IQCH: variants seen among roughly 807,000 people sequenced by gnomAD.
IQCH encodes IQ motif containing H.
Under a neutral mutation model 117.0 loss-of-function variants are expected in IQCH, and 98 were observed. The observed-to-expected ratio is 0.84, with a 90% CI of 0.71 to 0.99. The LOEUF is 0.99. Among genes scored for constraint, IQCH ranks in the 50% least tolerant of loss-of-function variants. The probability of loss-of-function intolerance (pLI) is 0.00; values close to 1 mark genes in which losing one functional copy is unlikely to be tolerated. For synonymous variants in IQCH, 412 were observed against 448.2 expected (o/e 0.92, Z 1.02); for missense variants, 1,102 against 1,243.8 (o/e 0.89, Z 1.72).
rs546993366 is a variant in IQCH, at chr15:67,491,378, G to A, written c.2861+1314G>A. Among the ~76,000 whole-genome samples, 43 of 152,176 alleles carry A rather than the reference G, an allele frequency of 2.8e-4. No individual in the cohort carries two copies. Among genetic ancestry groups the A allele is most frequent in the African/African-American group, 1.0e-3 (42 of 41,526 alleles). ...CAATACAGTGATATTCACCCTCATC[G>A]ATCCTTTTGAACTTAGGCAAATGTT... On this transcript the variant is annotated intron_variant, in intron 19 of 20. Coordinates refer to ENST00000335894, the MANE Select transcript of IQCH (RefSeq NM_001031715.3). This position sits in a 1 kb window ranked among gnomAD's most constrained non-coding sequence, Gnocchi z 4.9.
Position 67,473,119 on chromosome 15 carries a change from T to A in IQCH, c.2677-2577T>A, listed in dbSNP as rs151208268. 8.0e-3 allele frequency among the ~76,000 whole-genome samples: 1,218 copies of A among 152,348 alleles called. 22 individuals are homozygous for A. Among genetic ancestry groups the A allele is most frequent in the African/African-American group, 0.028 (1,154 of 41,588 alleles). On this transcript the variant is annotated intron_variant, in intron 17 of 20. Transcript: ENST00000335894. This position sits in a 1 kb window ranked among gnomAD's most constrained non-coding sequence, Gnocchi z 4.9. ...ATACTATGGCAGCATCAGACAAGTT[T>A]AGAAGACAAAAATAACCTTGGAATT...
In IQCH at chr15:67,373,073, ATTTAAG is replaced by A. The variant is rs1970608156; in HGVS notation, c.1306-290_1306-285del. On this transcript the variant is annotated intron_variant, in intron 9 of 20. Transcript: ENST00000335894. Reference sequence around the variant, plus strand: ...TGCTGTCACCACTTTGTCAGAAAGTATTTAAGTTTGCAGACAGCCTTTTAATTAGTG... The same window carrying A: ...TGCTGTCACCACTTTGTCAGAAAGTATTTGCAGACAGCCTTTTAATTAGTG... 2.0e-5 allele frequency among the ~76,000 whole-genome samples: 3 copies of A among 152,100 alleles called. No homozygotes were observed. In the South Asian group the frequency reaches 6.2e-4, roughly 31 times the overall value.
chr15:67,294,612 C>T (rs1470316500), intron 4 of IQCH, among the ~76,000 whole-genome samples: 1 of 152,180 alleles, frequency 6.6e-6, no homozygotes, highest in Non-Finnish European at 1.5e-5. Flanking sequence ...GGAGCTGCAG[C>T]AATCATCTTG....
chr15:67,339,835 T>C (rs1204130151), intron 5 of IQCH, among the ~76,000 whole-genome samples: 2 of 152,196 alleles, frequency 1.3e-5, no homozygotes, highest in Non-Finnish European at 2.9e-5. Context: ...ATTTGCTTTG[T>C]TGGAAGTTTT....
intron 18 of IQCH, among the ~76,000 whole-genome samples, chr15:67,478,927 A>T (rs544815751): frequency 1.3e-5 from 2 of 152,296 alleles, no homozygotes; most frequent in African/African-American, 4.8e-5. Context: ...TGTCTCAAAA[A>T]AAAAAGAAAG....
rs886829628 is a variant in IQCH at position 67,454,276 on chromosome 15, G to A, written c.2506-10851G>A. ...TGGCACTCCCCAGTGAGATGAACCC[G>A]GTACCTCAGTTGGAAATGCAGAAAT... On this transcript the variant is annotated intron_variant, in intron 16 of 20. Transcript: ENST00000335894. The surrounding 1 kb of genome is among the most constrained non-coding windows in gnomAD (Gnocchi z 5.2). Among the ~76,000 whole-genome samples the A allele has an allele frequency of 1.3e-5, 2 of 152,136 alleles. No individual in the cohort carries two copies. Among genetic ancestry groups the A allele is most frequent in the Non-Finnish European group, 1.5e-5 (1 of 68,018 alleles).
chr15:67,279,948 G>A (rs12442171), intron 4 of IQCH, among the ~76,000 whole-genome samples: 30,675 of 151,866 alleles, frequency 0.2, 3,963 homozygotes, highest in East Asian at 0.47. Flanking sequence ...CCCGGGAGGC[G>A]GAACTTTCAG....
Position 67,391,167 on chromosome 15 carries a change from A to AT in IQCH, c.1632+2162dup. ...GAAGCCAGGAGACAGGCACTCACAG[A>AT]TGCACATAGTATAGGTTTACATCTT... On this transcript the variant is annotated intron_variant, in intron 12 of 20. Coordinates refer to ENST00000335894, the MANE Select transcript of IQCH (RefSeq NM_001031715.3). This position sits in a 1 kb window ranked among gnomAD's most constrained non-coding sequence, Gnocchi z 4.3. Among the ~76,000 whole-genome samples the AT allele has an allele frequency of 6.6e-6, 1 of 152,304 alleles. No homozygotes were observed. The highest frequency in any genetic ancestry group is 6.5e-5 in the Admixed American group (1 of 15,306).
At position 67,359,834 on chromosome 15, in the gene IQCH, T is replaced by C. The variant is rs761899097; in HGVS notation, c.715-13T>C. The C allele has an allele frequency of 3.9e-6, 6 of 1,520,004 alleles. 1 individual carries two copies. The South Asian group carries it at 6.7e-5, about 17-fold the overall frequency. 94.2% of individuals were successfully genotyped at this position (1,520,004 alleles called of 1,614,324 possible). A position where few individuals can be genotyped will look rare whatever the true frequency, so the allele number is the denominator to read the frequency against. ...TCGTTTTGATTTAAACTGTGTCTCA[T>C]TCTTCATTGTAGGGGAAAAGCAGAA... On this transcript the variant is annotated splice_polypyrimidine_tract_variant and intron_variant, in intron 7 of 20. Coordinates refer to ENST00000335894, the MANE Select transcript of IQCH (RefSeq NM_001031715.3). The surrounding 1 kb of genome is among the most constrained non-coding windows in gnomAD (Gnocchi z 4.5).
chr15:67,446,853 A>C (rs1398426784), intron 16 of IQCH, among the ~76,000 whole-genome samples: 4 of 152,198 alleles, frequency 2.6e-5, no homozygotes, highest in Non-Finnish European at 5.9e-5. Flanking sequence ...GAAAGGTGAG[A>C]CAGAAAGGTG....
At chr15:67,448,670 T>A (rs1210194050) in intron 16 of IQCH, among the ~76,000 whole-genome samples, 1 of 152,180 alleles carries the variant, frequency 6.6e-6, no homozygotes, top group East Asian at 1.9e-4. Flanking sequence ...TTGTGAGTAG[T>A]GCCGCAATAA....
chr15:67,276,153 G>A (rs1966112797), intron 3 of IQCH, among the ~76,000 whole-genome samples: 1 of 149,990 alleles, frequency 6.7e-6, no homozygotes, highest in African/African-American at 2.4e-5. Flanking sequence ...GGGGAGAAAA[G>A]CAGTGTACAA....
chr15:67,357,899 GC>G (rs1969961389), intron 7 of IQCH, among the ~76,000 whole-genome samples: 1 of 151,818 alleles, frequency 6.6e-6, no homozygotes, highest in Admixed American at 6.6e-5. Context: ...TTACTCTGTT[GC>G]CCAGGCTGGA....
chr15:67,397,179 G>T (rs1373709557), intron 13 of IQCH, among the ~76,000 whole-genome samples: 1 of 152,198 alleles, frequency 6.6e-6, no homozygotes, highest in Non-Finnish European at 1.5e-5. Flanking sequence ...AACCTTCAAA[G>T]CTTTAACATG....
intron 4 of IQCH, among the ~76,000 whole-genome samples, chr15:67,324,774 A>G (rs1968329701): frequency 6.6e-6 from 1 of 152,072 alleles, no homozygotes; most frequent in Non-Finnish European, 1.5e-5. Flanking sequence ...GTCAACCATT[A>G]TTCACATAAT....
rs988544105 is a variant in IQCH at position 67,436,215 on chromosome 15, C to G, written c.2505+14638C>G. On this transcript the variant is annotated intron_variant, in intron 16 of 20. Transcript: ENST00000335894. The surrounding 1 kb of genome is among the most constrained non-coding windows in gnomAD (Gnocchi z 5.1). ...AAGGAAGCCGACTGCTCCTGCAGGA[C>G]CCAGGAGACACCCCAAATACTGTGA... is the stretch of plus-strand genomic sequence containing the variant. Among the ~76,000 whole-genome samples the G allele has an allele frequency of 2.0e-5, 3 of 152,076 alleles. No individual in the cohort carries two copies. Among genetic ancestry groups the G allele is most frequent in the African/African-American group, 7.2e-5 (3 of 41,414 alleles).
chr15:67,355,109 A>T (rs1056291181), intron 6 of IQCH, among the ~76,000 whole-genome samples: 1 of 152,232 alleles, frequency 6.6e-6, no homozygotes, highest in African/African-American at 2.4e-5. Flanking sequence ...TGCTTATTCT[A>T]ATCCATTCAT....
intron 1 of IQCH, among the ~76,000 whole-genome samples, chr15:67,258,481 A>G (rs1965323389): frequency 1.3e-5 from 2 of 151,382 alleles, no homozygotes; most frequent in South Asian, 4.2e-4. Context: ...CAGTGAGCCA[A>G]GATCGCGCCA....
intron 14 of IQCH, among the ~76,000 whole-genome samples, chr15:67,409,087 A>C (rs1314351025): frequency 6.6e-6 from 1 of 152,090 alleles, no homozygotes; most frequent in African/African-American, 2.4e-5. Flanking sequence ...ATTTATCTTT[A>C]ATTGTTCCTT....
Sources: allele counts gnomAD v4.1 joint callset (sites outside exome capture counted in the v4.1 genomes callset), GRCh38; gene constraint gnomAD v4.1.1; non-coding constraint Gnocchi (gnomAD v3.1); transcripts MANE v1.5; gene names NCBI Gene and HGNC (gene_info 2026-07-23, HGNC 2026-07-21).